Variants in TM9SF4 observed in about 807,000 individuals in gnomAD.
TM9SF4 encodes the protein transmembrane 9 superfamily member 4.
Under a neutral mutation model 90.4 loss-of-function variants are expected in TM9SF4, and 26 were observed. That is an observed-to-expected ratio of 0.29 (90% CI 0.21 to 0.40). TM9SF4 has a LOEUF of 0.40. Among genes scored for constraint, TM9SF4 ranks in the 10% least tolerant of loss-of-function variants. The pLI, the probability that TM9SF4 is intolerant of heterozygous loss-of-function variation, is 1.00. For missense variants in TM9SF4, 549 were observed against 834.8 expected, an observed-to-expected ratio of 0.66 and a Z score of 4.22; for synonymous variants, 293 against 315.4, an observed-to-expected ratio of 0.93 and a Z score of 0.75.
chr20:32,121,808 C>T (rs1436493950), intron 1 of TM9SF4, among the ~76,000 whole-genome samples: 9 of 150,106 alleles, frequency 6.0e-5, no homozygotes, highest in Non-Finnish European at 8.9e-5. Flanking sequence ...ACCTCCTGGA[C>T]GGGGCGGCTG....
intron 8 of TM9SF4, among the ~76,000 whole-genome samples, chr20:32,146,413 C>T (rs1401212307): frequency 6.6e-6 from 1 of 152,130 alleles, no homozygotes; most frequent in Non-Finnish European, 1.5e-5. Context: ...CTGATGAGAA[C>T]ATAGTGAGGC....
intron 1 of TM9SF4, 107 bp downstream of exon 1, chr20:32,109,862 G>T: frequency 6.5e-7 from 1 of 1,540,248 alleles, no homozygotes. Context: ...CGGGACCCCT[G>T]ACTCAGGCCT....
intron 1 of TM9SF4, 69 bp from the exon 2 acceptor site, chr20:32,132,944 C>A: frequency 1.4e-6 from 2 of 1,421,794 alleles, no homozygotes; most frequent in Non-Finnish European, 2.0e-6. Context: ...GGTGGTATGA[C>A]TTGATCTGCC....
intron 17 of TM9SF4, among the ~76,000 whole-genome samples, chr20:32,163,265 AAAAATATATATAT>A (rs1366779135): frequency 6.3e-5 from 5 of 79,080 alleles, no homozygotes; most frequent in African/African-American, 3.0e-4. Context: ...AAAAAAAAAA[AAAAATATATATAT>A]ATATATATAT....
intron 2 of TM9SF4, among the ~76,000 whole-genome samples, chr20:32,133,973 ATTTT>A (rs11459669): frequency 1.4e-5 from 2 of 138,918 alleles, no homozygotes; most frequent in Non-Finnish European, 3.1e-5. Context: ...TGCCTGGCTA[ATTTT>A]TTTTTTTTTT....
intron 13 of TM9SF4, among the ~76,000 whole-genome samples, chr20:32,156,937 A>ATTTTT (rs1244272103): frequency 3.2e-5 from 2 of 63,066 alleles, no homozygotes; most frequent in Admixed American, 1.6e-4. Context: ...TTTCCTGGAC[A>ATTTTT]TTTTCTTTTT....
At chr20:32,160,778 A>T (rs985781131) in intron 16 of TM9SF4, among the ~76,000 whole-genome samples, 3 of 151,816 alleles carry the variant, frequency 2.0e-5, no homozygotes, top group African/African-American at 7.3e-5. Flanking sequence ...GTGAAACCCC[A>T]TCGCTACTAA....
intron 1 of TM9SF4, among the ~76,000 whole-genome samples, chr20:32,123,184 AGGGGGAGAGGGGGAG>A (rs1569053536): frequency 6.1e-4 from 1 of 1,638 alleles, no homozygotes; most frequent in African/African-American, 1.5e-3. Context: ...GGAGGGGGGG[AGGGGGAGAGGGGGAG>A]GGGGGAGGGG....
chr20:32,116,862 C>CTTTTT (rs201365030), intron 1 of TM9SF4, among the ~76,000 whole-genome samples: 7 of 95,882 alleles, frequency 7.3e-5, no homozygotes, highest in Admixed American at 1.3e-4. Context: ...TTTCCTTTTT[C>CTTTTT]TTTTTTTTTT....
At chr20:32,164,099 G>A (rs1295719310) in intron 17 of TM9SF4, among the ~76,000 whole-genome samples, 2 of 152,060 alleles carry the variant, frequency 1.3e-5, no homozygotes, top group Admixed American at 1.3e-4. Flanking sequence ...CAGCCCCAAT[G>A]CCTTATGTAT....
chr20:32,162,068 C>A (rs915889903), intron 17 of TM9SF4, among the ~76,000 whole-genome samples: 2 of 152,144 alleles, frequency 1.3e-5, no homozygotes, highest in African/African-American at 4.8e-5. Flanking sequence ...GACAGTTTTA[C>A]TAGATTCATT....
At chr20:32,134,369 G>T (rs933224645) in intron 2 of TM9SF4, among the ~76,000 whole-genome samples, 2 of 152,140 alleles carry the variant, frequency 1.3e-5, no homozygotes, top group Admixed American at 6.5e-5. Context: ...ACACAAAATT[G>T]TTAAAACAGA....
rs71185383 is a variant in TM9SF4, at chr20:32,141,216, CAAAAAAAAAAAAAA to C, written c.230-269_230-256del. The stretch of plus-strand genomic sequence containing the variant: ...TGGGTGACAGAGCGAGACTCCATCT[CAAAAAAAAAAAAAA>C]AAAAAAAAAAAGGATGTGATGCTTG... On this transcript the variant is annotated intron_variant, in intron 3 of 17. Coordinates refer to ENST00000398022, the MANE Select transcript of TM9SF4 (RefSeq NM_014742.4). Among the ~76,000 whole-genome samples the C allele has an allele frequency of 2.7e-4, 7 of 26,014 alleles. 1 individual carries two copies. The highest frequency in any genetic ancestry group is 1.9e-3 in the Admixed American group (5 of 2,638). The allele number at this position is 26,014 out of a possible 152,430, so 17.1% of individuals were successfully genotyped here.
intron 1 of TM9SF4, among the ~76,000 whole-genome samples, chr20:32,123,152 G>A: frequency 8.7e-6 from 1 of 114,614 alleles, no homozygotes; most frequent in Non-Finnish European, 1.8e-5. Context: ...ATGAGAGGGA[G>A]ACCATGAGGA....
chr20:32,110,149 G>A (rs931795057), intron 1 of TM9SF4: 1 of 841,248 alleles, frequency 1.2e-6, no homozygotes. Context: ...TGCTCTCCCC[G>A]CCTCCCCACC....
intron 1 of TM9SF4, among the ~76,000 whole-genome samples, chr20:32,122,101 G>T (rs1205675997): frequency 7.0e-6 from 1 of 143,128 alleles, no homozygotes; most frequent in East Asian, 2.1e-4. Flanking sequence ...CAGTAGGGGC[G>T]GCCGGGCAGA....
chr20:32,159,507 A>G (rs1274971137), intron 15 of TM9SF4: 2 of 157,710 alleles, frequency 1.3e-5, no homozygotes, highest in Admixed American at 6.3e-5. Context: ...TTGGCTGCCC[A>G]TGGTACCAAA....
In TM9SF4 at chr20:32,149,760, G is replaced by A. The variant is rs765814171; in HGVS notation, c.1081G>A (p.Val361Ile). ...GIQLFCMILI[V>I]IFVAMLGMLS... is the part of the protein sequence containing the mutation. ...TCAGCTGTTCTGTATGATCCTCATC[G>A]TCATCTGTGAGTGTGCCCAGCGGGG... The change falls in exon 10 of 18, where the codon GTC becomes ATC. Residue 361 changes from valine (V) to isoleucine (I), a missense_variant. This residue lies in a region of TM9SF4 where 495 missense variants were observed against 711.7 expected (regional missense o/e 0.70). Transcript: ENST00000398022. 9.3e-6 allele frequency: 15 copies of A among 1,613,994 alleles called. No homozygotes were observed. The highest frequency in any genetic ancestry group is 6.7e-5 in the Admixed American group (4 of 59,988).
At position 32,150,658 on chromosome 20, in the gene TM9SF4, G is replaced by A. The variant is rs2046828733; in HGVS notation, c.1124G>A (p.Arg375Gln). 2.5e-6 allele frequency: 4 copies of A among 1,614,206 alleles called. No homozygotes were observed. The highest frequency in any genetic ancestry group is 1.7e-5 in the Admixed American group (1 of 60,028). The change falls in exon 11 of 18, where the codon CGG (arginine) becomes CAG (glutamine). Residue 375 changes from arginine to glutamine, a missense_variant. Around this residue, in one of 2 missense-constraint regions of TM9SF4, gnomAD observed 495 missense variants for 711.7 expected, o/e 0.70. Transcript: ENST00000398022. ...CTTGGGATGCTGTCGCCCTCCAGCCGGGGAGCTCTCATGACCACAGCCTGC... is the reference window on the plus strand; with the variant it reads ...CTTGGGATGCTGTCGCCCTCCAGCCAGGGAGCTCTCATGACCACAGCCTGC... ...AMLGMLSPSS[R>Q]GALMTTACFL...
Sources: gnomAD v4.1 joint callset for allele counts (sites outside exome capture counted in the v4.1 genomes callset) on GRCh38, gnomAD v4.1.1 for gene constraint, gnomAD v4.1.1 regional missense constraint, MANE v1.5 for transcripts, NCBI Gene and HGNC (gene_info 2026-07-23, HGNC 2026-07-21) for gene names.